SCD5: variants seen among roughly 807,000 people sequenced by gnomAD.
The protein encoded by SCD5 is stearoyl-CoA desaturase 5.
In SCD5, 20 loss-of-function variants were observed where a neutral mutation model predicts 30.4. The observed-to-expected ratio is 0.66, with a 90% confidence interval of 0.46 to 0.96. The LOEUF is 0.96. SCD5 is among the 40% of genes least tolerant of loss of function. The probability of loss-of-function intolerance (pLI) is 0.00; values close to 1 mark genes in which losing one functional copy is unlikely to be tolerated. For missense variants in SCD5, 381 were observed against 443.3 expected, an observed-to-expected ratio of 0.86 and a Z score of 1.26; for synonymous variants, 173 against 176.4, an observed-to-expected ratio of 0.98 and a Z score of 0.16.
chr4:82,696,017 A>C (rs1719689230), intron 2 of SCD5, among the ~76,000 whole-genome samples: 1 of 152,232 alleles, frequency 6.6e-6, no homozygotes, highest in African/African-American at 2.4e-5. Flanking sequence ...TCCAAGGGCC[A>C]CTTCTTAGAT....
intron 1 of SCD5, among the ~76,000 whole-genome samples, chr4:82,709,753 T>C (rs943977945): frequency 2.0e-4 from 30 of 152,180 alleles, no homozygotes; most frequent in South Asian, 2.1e-4. Context: ...CTCAAACAGA[T>C]ACTTATATAT....
At chr4:82,716,761 C>T (rs1054047922) in intron 1 of SCD5, among the ~76,000 whole-genome samples, 6 of 151,688 alleles carry the variant, frequency 4.0e-5, no homozygotes, top group Admixed American at 3.3e-4. Context: ...GTGCAATGAG[C>T]CGAGATCGTA....
chr4:82,671,022 T>C (rs1202983455), intron 3 of SCD5, among the ~76,000 whole-genome samples: 1 of 152,154 alleles, frequency 6.6e-6, no homozygotes, highest in Non-Finnish European at 1.5e-5. Flanking sequence ...AAGACACTTA[T>C]AGATTAAAAC....
At chr4:82,669,272 A>C (rs1728255319) in intron 3 of SCD5, among the ~76,000 whole-genome samples, 1 of 150,182 alleles carries the variant, frequency 6.7e-6, no homozygotes, top group African/African-American at 2.5e-5. Context: ...GGAGAAATAC[A>C]CTTAGGGTTT....
intron 3 of SCD5, among the ~76,000 whole-genome samples, chr4:82,637,261 G>T (rs4693472): frequency 0.6 from 90,842 of 152,008 alleles, 28,110 homozygotes; most frequent in Admixed American, 0.71. Context: ...ATAATTTTAG[G>T]TACACAATTC....
intron 2 of SCD5, among the ~76,000 whole-genome samples, chr4:82,696,836 G>A (rs953694906): frequency 6.6e-6 from 1 of 152,210 alleles, no homozygotes; most frequent in African/African-American, 2.4e-5. Context: ...CAGGTACAGG[G>A]AGAAATGACT....
At chr4:82,797,018 C>T (rs140651575) in intron 1 of SCD5, among the ~76,000 whole-genome samples, 37 of 152,306 alleles carry the variant, frequency 2.4e-4, no homozygotes, top group Non-Finnish European at 4.7e-4. Flanking sequence ...CATCCGTCAA[C>T]TCTGCTATGC....
At chr4:82,778,094 A>G (rs1721792086) in intron 1 of SCD5, among the ~76,000 whole-genome samples, 1 of 152,300 alleles carries the variant, frequency 6.6e-6, no homozygotes, top group East Asian at 1.9e-4. Context: ...GGAAGTTATT[A>G]CCCTCAGCAG....
chr4:82,695,413 T>C (rs1719677657), intron 2 of SCD5, among the ~76,000 whole-genome samples: 1 of 152,038 alleles, frequency 6.6e-6, no homozygotes, highest in Non-Finnish European at 1.5e-5. Flanking sequence ...GTGGTAAAAA[T>C]GAGAAGTGTG....
At chr4:82,647,126 T>C (rs1293467306) in intron 3 of SCD5, among the ~76,000 whole-genome samples, 1 of 152,152 alleles carries the variant, frequency 6.6e-6, no homozygotes, top group Non-Finnish European at 1.5e-5. Context: ...CACTCAGCCA[T>C]CTCTACTTTT....
At chr4:82,722,558 G>A (rs1720390417) in intron 1 of SCD5, among the ~76,000 whole-genome samples, 1 of 152,088 alleles carries the variant, frequency 6.6e-6, no homozygotes. Context: ...GAGGTCAGGG[G>A]TTCGAGACCA....
At chr4:82,632,226 C>T (rs942084810) in intron 4 of SCD5, among the ~76,000 whole-genome samples, 2 of 145,578 alleles carry the variant, frequency 1.4e-5, no homozygotes, top group African/African-American at 2.5e-5. Flanking sequence ...TGATGTTCCC[C>T]GCCCTGTGTC....
intron 3 of SCD5, among the ~76,000 whole-genome samples, chr4:82,653,695 T>TAGATAGATAGATAGATAGAC (rs1553914412): frequency 1.4e-5 from 2 of 142,824 alleles, no homozygotes; most frequent in East Asian, 4.5e-4. Flanking sequence ...GATAGATAGA[T>TAGATAGATAGATAGATAGAC]AGATAGATAG....
At chr4:82,743,497 G>C (rs1184638449) in intron 1 of SCD5, among the ~76,000 whole-genome samples, 2 of 152,018 alleles carry the variant, frequency 1.3e-5, no homozygotes, top group Non-Finnish European at 2.9e-5. Flanking sequence ...GCCTATTAAA[G>C]TATAAAAGGG....
In SCD5 at chr4:82,699,496, T is replaced by C. The variant is rs565781743; in HGVS notation, c.363+5787A>G. On this transcript the variant is annotated intron_variant, in intron 2 of 4. Coordinates refer to ENST00000319540, the MANE Select transcript of SCD5 (RefSeq NM_001037582.3). ...ACCTCCCAGGTTCAAGCGATTCTCA[T>C]GTCTCAGCCTCCCAAGCAGCTGGGA... Among the ~76,000 whole-genome samples, 26 of 151,666 alleles carry C rather than the reference T, an allele frequency of 1.7e-4. No individual in the cohort carries two copies. In the South Asian group the frequency reaches 4.0e-3, roughly 23 times the overall value.
chr4:82,710,945 A>G (rs1229157440), intron 1 of SCD5, among the ~76,000 whole-genome samples: 1 of 152,186 alleles, frequency 6.6e-6, no homozygotes, highest in Admixed American at 6.5e-5. Flanking sequence ...GCAATACAGC[A>G]TCATGGCTAA....
At chr4:82,694,739 G>A (rs1488438961) in intron 2 of SCD5, among the ~76,000 whole-genome samples, 1 of 152,138 alleles carries the variant, frequency 6.6e-6, no homozygotes, top group African/African-American at 2.4e-5. Flanking sequence ...TCATCATAAA[G>A]GTCTTCATCC....
rs1334425027 is a variant in SCD5, at chr4:82,782,288, T to C, written c.232+16018A>G. ...TAGAGAAGAGCTCCATGAACCTCCA[T>C]ATTTAGAATTAACAAATTTACTAGA... On this transcript the variant is annotated intron_variant, in intron 1 of 4. Coordinates refer to ENST00000319540, the MANE Select transcript of SCD5 (RefSeq NM_001037582.3). Among the ~76,000 whole-genome samples the C allele has an allele frequency of 2.0e-5, 3 of 151,958 alleles. No individual in the cohort carries two copies. In the East Asian group the frequency reaches 5.8e-4, roughly 29 times the overall value.
At chr4:82,739,765 G>A (rs576201163) in intron 1 of SCD5, among the ~76,000 whole-genome samples, 7 of 152,366 alleles carry the variant, frequency 4.6e-5, no homozygotes, top group African/African-American at 1.2e-4. Context: ...CATGCTGATC[G>A]TGAAAAGCCA....
Sources: gnomAD v4.1 joint callset for allele counts (sites outside exome capture counted in the v4.1 genomes callset) on GRCh38, gnomAD v4.1.1 for gene constraint, MANE v1.5 for transcripts, NCBI Gene and HGNC (gene_info 2026-07-23, HGNC 2026-07-21) for gene names.